DAPK2: variants seen among roughly 807,000 people sequenced by gnomAD.
DAPK2 encodes death-associated protein kinase 2.
DAPK2 carries 35 observed loss-of-function variants against 44.1 expected under a neutral mutation model. That is an observed-to-expected ratio of 0.79 (90% CI 0.61 to 1.05). DAPK2 has a LOEUF of 1.05. Ranked by LOEUF, DAPK2 falls within the 50% of genes least tolerant of loss-of-function variation. The pLI is 0.00. For synonymous variants in DAPK2, 174 were observed against 182.6 expected (o/e 0.95, Z 0.38); for missense variants, 453 against 483.2 (o/e 0.94, Z 0.59).
upstream of DAPK2, among the ~76,000 whole-genome samples, chr15:64,040,620 A>T (rs2414840): frequency 0.077 from 11,737 of 151,496 alleles, 643 homozygotes; most frequent in Admixed American, 0.17. Flanking sequence ...TACAGTTTTT[A>T]AAAAAAAATG....
Position 63,908,593 on chromosome 15 carries a change from C to T in DAPK2, c.1040G>A (p.Cys347Tyr). The T allele has an allele frequency of 1.3e-6, 2 of 1,597,854 alleles. No individual in the cohort carries two copies. The highest frequency in any genetic ancestry group is 1.1e-5 in the South Asian group (1 of 87,678). Reference sequence around the variant, plus strand: ...GATGTCCTCCTCAGTGTCACTCTCACAGTTCCTCTGGAGAAAAAAAAGAGA... The same window carrying T: ...GATGTCCTCCTCAGTGTCACTCTCATAGTTCCTCTGGAGAAAAAAAAGAGA... Residue 347 changes from cysteine (C) to tyrosine (Y), a missense_variant, in exon 11 of 11, where the codon TGT becomes TAT. Coordinates refer to ENST00000261891, the Ensembl canonical transcript of DAPK2. This position sits in a 1 kb window ranked among gnomAD's most constrained non-coding sequence, Gnocchi z 5.7.
intron 1 of DAPK2, among the ~76,000 whole-genome samples, chr15:64,023,565 C>A (rs1475206674): frequency 6.6e-6 from 1 of 152,194 alleles, no homozygotes; most frequent in African/African-American, 2.4e-5. Context: ...CTCTGAGAGC[C>A]TCTGATGTGT....
Position 63,980,811 on chromosome 15 carries a change from G to A in DAPK2, c.314+2722C>T, listed in dbSNP as rs542387814. Among the ~76,000 whole-genome samples the A allele has an allele frequency of 1.3e-5, 2 of 152,088 alleles. No individual in the cohort carries two copies. Among genetic ancestry groups the A allele is most frequent in the East Asian group, 1.9e-4 (1 of 5,174 alleles). On this transcript the variant is annotated intron_variant, in intron 2 of 10. Coordinates refer to ENST00000261891, the Ensembl canonical transcript of DAPK2. This position sits in a 1 kb window ranked among gnomAD's most constrained non-coding sequence, Gnocchi z 4.3. ...GGGACCTTTAAGACGTGATTGGGTC[G>A]GGGTGCGGTGGCTCACGCCTGTAAT... is the stretch of plus-strand genomic sequence containing the variant.
At chr15:63,962,637 G>A (rs1357830014) in intron 3 of DAPK2, among the ~76,000 whole-genome samples, 1 of 152,204 alleles carries the variant, frequency 6.6e-6, no homozygotes, top group Non-Finnish European at 1.5e-5. Context: ...GTTTTACTGG[G>A]TATCACCAGC....
intron 1 of DAPK2, among the ~76,000 whole-genome samples, chr15:64,009,392 C>A: frequency 6.6e-6 from 1 of 152,154 alleles, no homozygotes; most frequent in East Asian, 1.9e-4. Flanking sequence ...ACGCAGACAT[C>A]ATCATGTTCT....
chr15:63,932,028 A>G (rs554317178), intron 4 of DAPK2, among the ~76,000 whole-genome samples: 1 of 151,968 alleles, frequency 6.6e-6, no homozygotes, highest in East Asian at 1.9e-4. Flanking sequence ...TTAGCTGGGT[A>G]TGGTGGCGGG....
At chr15:63,942,692 T>C (rs1405863172) in intron 3 of DAPK2, among the ~76,000 whole-genome samples, 1 of 151,898 alleles carries the variant, frequency 6.6e-6, no homozygotes, top group Admixed American at 6.6e-5. Context: ...GTGACTTCTC[T>C]CCTGCCTGGA....
At chr15:63,958,226 T>G (rs945157347) in intron 3 of DAPK2, among the ~76,000 whole-genome samples, 1 of 152,204 alleles carries the variant, frequency 6.6e-6, no homozygotes, top group Admixed American at 6.5e-5. Context: ...TAAATTTGTT[T>G]AAGTTCTTTG....
chr15:63,919,700 G>A, intron 8 of DAPK2: 1 of 152,216 alleles, frequency 6.6e-6, no homozygotes, highest in Non-Finnish European at 1.5e-5. Flanking sequence ...TGGCCAGGCT[G>A]GTCTCACACT....
At chr15:63,924,227 A>T (rs1018252471) in intron 8 of DAPK2, among the ~76,000 whole-genome samples, 1 of 152,142 alleles carries the variant, frequency 6.6e-6, no homozygotes, top group African/African-American at 2.4e-5. Flanking sequence ...AGGAAGCCCG[A>T]CTGCAAGGCG....
At chr15:64,023,880 G>C (rs1595904341) in intron 1 of DAPK2, among the ~76,000 whole-genome samples, 2 of 152,176 alleles carry the variant, frequency 1.3e-5, no homozygotes, top group South Asian at 2.1e-4. Flanking sequence ...ATCGTGCGGG[G>C]GTCAGAGATG....
chr15:64,040,204 C>T, exon 1 of DAPK2: 2 of 1,614,052 alleles, frequency 1.2e-6, no homozygotes, highest in Non-Finnish European at 1.7e-6. Flanking sequence ...TAAAAGTCCT[C>T]CACCTTCTGC....
chr15:64,002,672 C>A (rs2079112223), intron 1 of DAPK2, among the ~76,000 whole-genome samples: 1 of 152,096 alleles, frequency 6.6e-6, no homozygotes, highest in Non-Finnish European at 1.5e-5. Context: ...CTGCAAAAGG[C>A]CACACACATG....
intron 1 of DAPK2, among the ~76,000 whole-genome samples, chr15:64,031,961 A>T (rs2080029322): frequency 6.6e-6 from 1 of 152,200 alleles, no homozygotes; most frequent in Non-Finnish European, 1.5e-5. Context: ...GGGGGCTGTG[A>T]GCTTGCTTGG....
At chr15:63,922,247 T>G (rs1426831479) in intron 8 of DAPK2, 1 of 984,880 alleles carries the variant, frequency 1.0e-6, no homozygotes, top group Non-Finnish European at 1.2e-6. Flanking sequence ...GAAAAATCAA[T>G]GCAAACGAAA....
exon 10 of DAPK2, chr15:63,911,910 G>A: frequency 6.2e-7 from 1 of 1,613,398 alleles, no homozygotes; most frequent in African/African-American, 1.3e-5. Context: ...TTACCCACCA[G>A]GTCCTCATCC....
At chr15:63,926,833 G>T (rs2079293562) in intron 6 of DAPK2, among the ~76,000 whole-genome samples, 1 of 152,178 alleles carries the variant, frequency 6.6e-6, no homozygotes, top group African/African-American at 2.4e-5. Context: ...ATGTACCCGA[G>T]CTAGAAGCAC....
intron 3 of DAPK2, among the ~76,000 whole-genome samples, chr15:63,970,035 C>T (rs1448842624): frequency 2.6e-5 from 4 of 152,220 alleles, no homozygotes; most frequent in Non-Finnish European, 4.4e-5. Context: ...AAGATCTTGA[C>T]TCTGTCCTCT....
At chr15:63,934,249 GTTTTT>G (rs772176640) in intron 4 of DAPK2, among the ~76,000 whole-genome samples, 1 of 63,286 alleles carries the variant, frequency 1.6e-5, no homozygotes, top group East Asian at 3.4e-4. Flanking sequence ...TTTTATCCTA[GTTTTT>G]TTTTTTTTTT....
Sources: allele counts gnomAD v4.1 joint callset (sites outside exome capture counted in the v4.1 genomes callset), GRCh38; gene constraint gnomAD v4.1.1; non-coding constraint Gnocchi (gnomAD v3.1); transcripts MANE v1.5; gene names NCBI Gene and HGNC (gene_info 2026-07-23, HGNC 2026-07-21).